Variants in FERRY3 observed in about 807,000 individuals in gnomAD.
FERRY3 encodes the protein FERRY endosomal RAB5 effector complex subunit 3.
chr12:4,506,719 A>AT, the FERRY3 span, among the ~76,000 whole-genome samples: 1 of 151,942 alleles, frequency 6.6e-6, no homozygotes, highest in Admixed American at 6.6e-5. Flanking sequence ...GGCTAGTTTT[A>AT]TTTTTTTTAA....
the FERRY3 span, among the ~76,000 whole-genome samples, chr12:4,513,472 C>T: frequency 2.0e-5 from 3 of 149,934 alleles, no homozygotes; most frequent in East Asian, 4.0e-4. Flanking sequence ...CTGGAGGCAT[C>T]ACACTACCTG....
chr12:4,534,207 C>T, the FERRY3 span: 3 of 1,612,646 alleles, frequency 1.9e-6, no homozygotes, highest in Non-Finnish European at 1.7e-6. Context: ...AAATCTACTT[C>T]ACCTGATTTC....
At chr12:4,504,365 G>A in the FERRY3 span, among the ~76,000 whole-genome samples, 1 of 152,124 alleles carries the variant, frequency 6.6e-6, no homozygotes, top group African/African-American at 2.4e-5. Flanking sequence ...ATTGTATAAA[G>A]TGTACAAATA....
At chr12:4,524,277 G>A in the FERRY3 span, among the ~76,000 whole-genome samples, 2 of 151,940 alleles carry the variant, frequency 1.3e-5, no homozygotes, top group African/African-American at 2.4e-5. Context: ...TAAAAGGCTC[G>A]TTGGAAAATA....
At chr12:4,489,796 T>A in the FERRY3 span, 2 of 1,564,246 alleles carry the variant, frequency 1.3e-6, no homozygotes, top group Non-Finnish European at 8.8e-7. Flanking sequence ...AGCATGTCAA[T>A]CTATAAGGGT....
chr12:4,524,974 G>A, the FERRY3 span: 1 of 244,710 alleles, frequency 4.1e-6, no homozygotes, highest in East Asian at 8.6e-5. Flanking sequence ...ACTGCATGGA[G>A]TGGAAACTAA....
At chr12:4,502,735 C>T in the FERRY3 span, among the ~76,000 whole-genome samples, 8 of 152,298 alleles carry the variant, frequency 5.3e-5, no homozygotes, top group Non-Finnish European at 8.8e-5. This position sits in a 1 kb window ranked among gnomAD's most constrained non-coding sequence, Gnocchi z 4.2. Flanking sequence ...TTTCTAGTTG[C>T]CGCTGTGCAT....
chr12:4,530,190 ATG>A, the FERRY3 span: 1 of 700,850 alleles, frequency 1.4e-6, no homozygotes, highest in Non-Finnish European at 2.2e-6. Context: ...GTGTAAATAT[ATG>A]TGTGTGTATT....
chr12:4,515,745 T>C, the FERRY3 span, among the ~76,000 whole-genome samples: 12 of 152,198 alleles, frequency 7.9e-5, no homozygotes, highest in Non-Finnish European at 1.5e-4. Context: ...AATGTGATTA[T>C]ATTTAACAAT....
the FERRY3 span, chr12:4,509,186 A>T: frequency 6.9e-6 from 1 of 145,820 alleles, no homozygotes; most frequent in Non-Finnish European, 1.5e-5. Context: ...TGCGTTTTTC[A>T]GACCCGCTTA....
the FERRY3 span, chr12:4,517,332 T>C: frequency 1.0e-6 from 1 of 960,954 alleles, no homozygotes; most frequent in Non-Finnish European, 1.4e-6. Flanking sequence ...TAAATAATTA[T>C]GCCTTAAGTT....
chr12:4,500,458 C>T, the FERRY3 span: 2 of 822,908 alleles, frequency 2.4e-6, no homozygotes, highest in East Asian at 2.7e-5. Flanking sequence ...GGGTGTATCC[C>T]AAACATTTAC....
chr12:4,491,094 A>T, the FERRY3 span: 1 of 1,268,108 alleles, frequency 7.9e-7, no homozygotes, highest in Non-Finnish European at 1.2e-6. Context: ...GGTATCTTTC[A>T]CATTCTCTCT....
chr12:4,509,368 G>C, the FERRY3 span: 621 of 166,328 alleles, frequency 3.7e-3, 5 homozygotes, highest in African/African-American at 0.011. Flanking sequence ...CAAAGCAGCC[G>C]GGAAGCTCCA....
chr12:4,510,571 A>G, the FERRY3 span, among the ~76,000 whole-genome samples: 1 of 150,538 alleles, frequency 6.6e-6, no homozygotes, highest in African/African-American at 2.5e-5. Flanking sequence ...ACAAGCCAGA[A>G]GAGAGTGGGG....
At chr12:4,536,998 G>A in the FERRY3 span, among the ~76,000 whole-genome samples, 1 of 152,126 alleles carries the variant, frequency 6.6e-6, no homozygotes, top group Non-Finnish European at 1.5e-5. Context: ...AACTTTCTAT[G>A]ACATTCCATT....
the FERRY3 span, among the ~76,000 whole-genome samples, chr12:4,503,583 C>T: frequency 2.0e-5 from 3 of 151,958 alleles, no homozygotes; most frequent in Non-Finnish European, 4.4e-5. Context: ...TGTAGGTATA[C>T]TTTAAATGGA....
chr12:4,524,295 T>C, the FERRY3 span, among the ~76,000 whole-genome samples: 1 of 152,156 alleles, frequency 6.6e-6, no homozygotes, highest in Admixed American at 6.5e-5. Context: ...ATAAGGGATG[T>C]AGAATGGTTC....
the FERRY3 span, chr12:4,489,274 A>G: frequency 6.5e-6 from 1 of 152,686 alleles, no homozygotes; most frequent in Middle Eastern, 3.2e-3. Context: ...AGAGATTCTG[A>G]AACAGGAGAA....
Sources: allele counts gnomAD v4.1 joint callset (sites outside exome capture counted in the v4.1 genomes callset), GRCh38; gene constraint gnomAD v4.1.1; non-coding constraint Gnocchi (gnomAD v3.1); transcripts MANE v1.5; gene names NCBI Gene and HGNC (gene_info 2026-07-23, HGNC 2026-07-21).